PCDHA1: variants seen among roughly 807,000 people sequenced by gnomAD.
The protein encoded by PCDHA1 is protocadherin alpha 1, also known as protocadherin alpha-1.
PCDHA1 carries 42 observed loss-of-function variants against 61.3 expected under a neutral mutation model. That is an observed-to-expected ratio of 0.69 (90% confidence interval 0.54 to 0.89). The LOEUF is 0.89. PCDHA1 is among the 40% of genes least tolerant of loss of function. The pLI is 0.00. For synonymous variants in PCDHA1, 610 were observed against 553.8 expected, an observed-to-expected ratio of 1.10 and a Z score of -1.43; for missense variants, 1,256 against 1,235.3, an observed-to-expected ratio of 1.02 and a Z score of -0.25.
chr5:140,800,932 T>G (rs1206678504), intron 1 of PCDHA1: 3 of 799,102 alleles, frequency 3.8e-6, no homozygotes, highest in Non-Finnish European at 5.1e-6. Flanking sequence ...CTAGAAATTT[T>G]GGGAAAGTTC....
chr5:140,948,016 C>CTTTTT (rs72028473), intron 1 of PCDHA1, among the ~76,000 whole-genome samples: 13 of 30,044 alleles, frequency 4.3e-4, no homozygotes, highest in Non-Finnish European at 6.9e-4. Context: ...AGGAAGTACC[C>CTTTTT]TTTCTGGTTT....
At chr5:140,951,276 T>C (rs1554219829) in intron 1 of PCDHA1, among the ~76,000 whole-genome samples, 1 of 152,200 alleles carries the variant, frequency 6.6e-6, no homozygotes, top group African/African-American at 2.4e-5. Context: ...CTATGTTAGG[T>C]AATTTTGGAT....
intron 1 of PCDHA1, chr5:140,808,963 A>C: frequency 6.2e-7 from 1 of 1,613,576 alleles, no homozygotes; most frequent in Non-Finnish European, 8.5e-7. Flanking sequence ...ACGTGGTGGC[A>C]AAGGTGCGCG....
At chr5:140,880,233 T>C (rs1040125802) in intron 1 of PCDHA1, among the ~76,000 whole-genome samples, 1 of 152,046 alleles carries the variant, frequency 6.6e-6, no homozygotes, top group African/African-American at 2.4e-5. Context: ...TTTAAATTAG[T>C]GTATGTGCGT....
intron 1 of PCDHA1, chr5:140,822,865 C>T (rs2150119929): frequency 1.2e-6 from 2 of 1,614,228 alleles, no homozygotes; most frequent in Admixed American, 1.7e-5. Flanking sequence ...GGACGCTCCA[C>T]TCAGCACGGT....
intron 1 of PCDHA1, chr5:140,842,322 G>T (rs1349163820): frequency 6.2e-7 from 1 of 1,607,612 alleles, no homozygotes. Flanking sequence ...GCGGGTCATT[G>T]CACCGTTTTA....
chr5:140,797,542 T>G (rs1435129821), intron 1 of PCDHA1: 1 of 753,596 alleles, frequency 1.3e-6, no homozygotes, highest in South Asian at 2.0e-5. Flanking sequence ...TCTACATAAC[T>G]GTTTTCTTAT....
At chr5:140,843,387 C>T in intron 1 of PCDHA1, 1 of 1,596,066 alleles carries the variant, frequency 6.3e-7, no homozygotes, top group Non-Finnish European at 8.6e-7. Context: ...GTTTTGGGTC[C>T]GGAAGCGGCG....
chr5:140,945,153 C>T (rs996541335), intron 1 of PCDHA1, among the ~76,000 whole-genome samples: 1 of 152,064 alleles, frequency 6.6e-6, no homozygotes, highest in African/African-American at 2.4e-5. Flanking sequence ...TTTCTATACA[C>T]TATTGAACTA....
At chr5:140,833,817 G>A (rs1772671317) in intron 1 of PCDHA1, among the ~76,000 whole-genome samples, 1 of 152,028 alleles carries the variant, frequency 6.6e-6, no homozygotes, top group Non-Finnish European at 1.5e-5. Context: ...GAGATCCTGG[G>A]TCCCTAAAAG....
At chr5:140,986,950 A>C (rs1161887732) in intron 3 of PCDHA1, among the ~76,000 whole-genome samples, 1 of 152,164 alleles carries the variant, frequency 6.6e-6, no homozygotes, top group Admixed American at 6.5e-5. Flanking sequence ...GTGGTCGCTC[A>C]TGCCTGTAAT....
chr5:140,910,551 T>G (rs1330218807), intron 1 of PCDHA1, among the ~76,000 whole-genome samples: 1 of 152,178 alleles, frequency 6.6e-6, no homozygotes, highest in East Asian at 1.9e-4. Flanking sequence ...TTGCAAAGTA[T>G]TAGTCAAGGA....
At chr5:140,961,888 T>C (rs1361187779) in intron 1 of PCDHA1, among the ~76,000 whole-genome samples, 8 of 124,918 alleles carry the variant, frequency 6.4e-5, no homozygotes, top group Non-Finnish European at 9.4e-5. Context: ...CTTACATCAG[T>C]TTTTTTTTTT....
chr5:140,905,043 A>G (rs782694794), intron 1 of PCDHA1, among the ~76,000 whole-genome samples: 1 of 152,244 alleles, frequency 6.6e-6, no homozygotes, highest in East Asian at 1.9e-4. Flanking sequence ...TAGTTTAATT[A>G]GGTCCCATTT....
intron 1 of PCDHA1, among the ~76,000 whole-genome samples, chr5:140,792,777 A>C (rs1471174818): frequency 6.6e-6 from 1 of 152,218 alleles, no homozygotes; most frequent in Non-Finnish European, 1.5e-5. Context: ...TTGGCTATAG[A>C]TTAAATAATA....
intron 1 of PCDHA1, among the ~76,000 whole-genome samples, chr5:140,919,973 A>T (rs1554199334): frequency 7.5e-6 from 1 of 133,994 alleles, no homozygotes; most frequent in Non-Finnish European, 1.7e-5. Context: ...TAAATAAGAG[A>T]TAGAAGATGG....
chr5:140,823,174 A>T, intron 1 of PCDHA1: 1 of 1,613,916 alleles, frequency 6.2e-7, no homozygotes, highest in Non-Finnish European at 8.5e-7. Flanking sequence ...GAAGGAGAAC[A>T]ACCCGCCAGG....
intron 1 of PCDHA1, chr5:140,795,430 G>A (rs1448312261): frequency 1.2e-6 from 2 of 1,614,014 alleles, no homozygotes; most frequent in African/African-American, 2.7e-5. Flanking sequence ...TCCTCTAGAG[G>A]GAGCATCTGA....
At chr5:140,993,894 A>G (rs1267639459) in intron 3 of PCDHA1, among the ~76,000 whole-genome samples, 2 of 152,204 alleles carry the variant, frequency 1.3e-5, no homozygotes, top group African/African-American at 4.8e-5. Flanking sequence ...TGATGTCCAT[A>G]CAACAAAAAT....
Sources: allele counts gnomAD v4.1 joint callset (sites outside exome capture counted in the v4.1 genomes callset), GRCh38; gene constraint gnomAD v4.1.1; transcripts MANE v1.5; gene names NCBI Gene and HGNC (gene_info 2026-07-23, HGNC 2026-07-21).